Variants in GRM7 observed in about 807,000 individuals in gnomAD.
The protein encoded by GRM7 is metabotropic glutamate receptor 7.
A neutral mutation model predicts 84.5 loss-of-function variants in GRM7; 35 were observed. That is an observed-to-expected ratio of 0.41 (90% CI 0.32 to 0.55). The LOEUF is 0.55. Among genes scored for constraint, GRM7 ranks in the 20% least tolerant of loss-of-function variants. The pLI, the probability that GRM7 is intolerant of heterozygous loss-of-function variation, is 0.19. For synonymous variants in GRM7, 487 were observed against 455.1 expected (o/e 1.07, Z -0.89); for missense variants, 1,003 against 1,194.6 (o/e 0.84, Z 2.36).
At chr3:7,463,227 T>G (rs3804967) in intron 7 of GRM7, among the ~76,000 whole-genome samples, 1 of 152,032 alleles carries the variant, frequency 6.6e-6, no homozygotes, top group African/African-American at 2.4e-5. Flanking sequence ...CCCTGCACTC[T>G]TGTTAAATTT....
At chr3:7,592,035 G>A (rs1395872532) in intron 8 of GRM7, among the ~76,000 whole-genome samples, 4 of 152,038 alleles carry the variant, frequency 2.6e-5, no homozygotes, top group African/African-American at 9.7e-5. Flanking sequence ...TGTCTCATAA[G>A]GTTTTCATGA....
At chr3:7,533,889 G>A (rs1701138195) in intron 7 of GRM7, among the ~76,000 whole-genome samples, 1 of 151,978 alleles carries the variant, frequency 6.6e-6, no homozygotes, top group East Asian at 1.9e-4. Flanking sequence ...TTTCCTTACT[G>A]ATTTACTACG....
chr3:7,155,855 A>G (rs1402803091), intron 2 of GRM7, among the ~76,000 whole-genome samples: 3 of 152,132 alleles, frequency 2.0e-5, no homozygotes, highest in African/African-American at 7.2e-5. Flanking sequence ...CTTTCAAATA[A>G]TAGTTTGACC....
intron 1 of GRM7, among the ~76,000 whole-genome samples, chr3:6,923,075 C>T (rs933027432): frequency 6.6e-6 from 1 of 151,924 alleles, no homozygotes; most frequent in Non-Finnish European, 1.5e-5. Context: ...AGTACACTTG[C>T]GGAATCTCGG....
chr3:7,142,571 C>T (rs1693982300), intron 1 of GRM7, among the ~76,000 whole-genome samples: 1 of 152,080 alleles, frequency 6.6e-6, no homozygotes, highest in South Asian at 2.1e-4. Flanking sequence ...ATTGCCTCCA[C>T]TTGGTCTCTG....
chr3:7,195,327 T>C (rs1371479768), intron 2 of GRM7, among the ~76,000 whole-genome samples: 2 of 152,146 alleles, frequency 1.3e-5, no homozygotes, highest in Non-Finnish European at 1.5e-5. Flanking sequence ...TGGTGGCTTC[T>C]TGTGGATGGG....
At chr3:7,436,686 C>A (rs1435889544) in intron 5 of GRM7, among the ~76,000 whole-genome samples, 4 of 151,832 alleles carry the variant, frequency 2.6e-5, no homozygotes, top group Non-Finnish European at 2.9e-5. Flanking sequence ...AAACTTGCCT[C>A]TCCTGCAGTC....
At chr3:7,118,384 A>T (rs59431524) in intron 1 of GRM7, among the ~76,000 whole-genome samples, 41,464 of 151,350 alleles carry the variant, frequency 0.27, 5,981 homozygotes, top group African/African-American at 0.35. Flanking sequence ...CATGAGACCC[A>T]GTCTCAAAAT....
At chr3:7,223,786 C>A (rs1051812812) in intron 2 of GRM7, among the ~76,000 whole-genome samples, 14 of 152,144 alleles carry the variant, frequency 9.2e-5, no homozygotes, top group African/African-American at 2.7e-4. Context: ...TATGGGCAGT[C>A]TAGAGATTTT....
At chr3:6,923,926 C>T (rs1697213807) in intron 1 of GRM7, among the ~76,000 whole-genome samples, 1 of 152,114 alleles carries the variant, frequency 6.6e-6, no homozygotes, top group Non-Finnish European at 1.5e-5. Context: ...ATTTGCTTTT[C>T]TTCTGTTCAC....
chr3:6,904,769 G>A (rs1348019284), intron 1 of GRM7, among the ~76,000 whole-genome samples: 1 of 151,746 alleles, frequency 6.6e-6, no homozygotes, highest in Non-Finnish European at 1.5e-5. Flanking sequence ...TGCCCAGGCT[G>A]TAGTGCAGTG....
intron 2 of GRM7, among the ~76,000 whole-genome samples, chr3:7,283,791 A>G (rs1408519534): frequency 6.6e-6 from 1 of 152,230 alleles, no homozygotes; most frequent in African/African-American, 2.4e-5. Flanking sequence ...AAAAATTCAC[A>G]AAGAAGAATT....
intron 2 of GRM7, among the ~76,000 whole-genome samples, chr3:7,273,432 T>C (rs1698940979): frequency 1.3e-5 from 2 of 152,104 alleles, no homozygotes; most frequent in South Asian, 4.1e-4. Context: ...GCTAAATATG[T>C]CCATTTCTAA....
chr3:7,234,398 A>G (rs1697285766), intron 2 of GRM7, among the ~76,000 whole-genome samples: 3 of 152,170 alleles, frequency 2.0e-5, no homozygotes, highest in South Asian at 2.1e-4. Flanking sequence ...TGACTCTGTC[A>G]AGTTACTTCC....
chr3:7,719,512 T>G (rs1162227550), intron 9 of GRM7, among the ~76,000 whole-genome samples: 1 of 152,094 alleles, frequency 6.6e-6, no homozygotes, highest in Non-Finnish European at 1.5e-5. Flanking sequence ...ATCAATTTCA[T>G]GTTGAAATGG....
chr3:7,695,398 C>CATT (rs1700980653), intron 9 of GRM7, among the ~76,000 whole-genome samples: 1 of 152,228 alleles, frequency 6.6e-6, no homozygotes, highest in South Asian at 2.1e-4. Context: ...CTTATGCAAT[C>CATT]ATTTCAAGGC....
chr3:7,033,364 T>C (rs1017059088), intron 1 of GRM7, among the ~76,000 whole-genome samples: 8 of 152,240 alleles, frequency 5.3e-5, no homozygotes, highest in East Asian at 3.9e-4. Flanking sequence ...ACTCACAATA[T>C]ATATAAAATT....
At chr3:7,580,706 CAT>C (rs1387667329) in intron 8 of GRM7, among the ~76,000 whole-genome samples, 1 of 152,060 alleles carries the variant, frequency 6.6e-6, no homozygotes, top group African/African-American at 2.4e-5. Flanking sequence ...TGGTTTTAGT[CAT>C]AAAGTATTTT....
At chr3:7,735,998 C>A (rs1366187973) in intron 9 of GRM7, among the ~76,000 whole-genome samples, 1 of 152,132 alleles carries the variant, frequency 6.6e-6, no homozygotes, top group Non-Finnish European at 1.5e-5. Flanking sequence ...TATATTTATA[C>A]CTTAGTGTTG....
Sources: allele counts gnomAD v4.1 joint callset (sites outside exome capture counted in the v4.1 genomes callset), GRCh38; gene constraint gnomAD v4.1.1; transcripts MANE v1.5; gene names NCBI Gene and HGNC (gene_info 2026-07-23, HGNC 2026-07-21).